PTPRG: variants seen among roughly 807,000 people sequenced by gnomAD.
PTPRG encodes receptor-type tyrosine-protein phosphatase gamma.
PTPRG carries 102 observed loss-of-function variants against 165.3 expected under a neutral mutation model. The ratio of observed to expected loss-of-function variants is 0.62; its 90% confidence interval spans 0.53 to 0.73. The LOEUF (loss-of-function observed/expected upper bound fraction) is 0.73, where lower values mean the gene tolerates loss of function less well. Among genes scored for constraint, PTPRG ranks in the 30% least tolerant of loss-of-function variants. The probability of loss-of-function intolerance (pLI) is 0.00; values close to 1 mark genes in which losing one functional copy is unlikely to be tolerated. For missense variants in PTPRG, 1,866 were observed against 1,861.4 expected, an observed-to-expected ratio of 1.00 and a Z score of -0.05; for synonymous variants, 675 against 669.5, an observed-to-expected ratio of 1.01 and a Z score of -0.13.
chr3:61,762,448 T>C (rs1212261767), intron 2 of PTPRG, among the ~76,000 whole-genome samples: 1 of 152,014 alleles, frequency 6.6e-6, no homozygotes, highest in Non-Finnish European at 1.5e-5. Flanking sequence ...CCGTCTCTAC[T>C]AAAAATACAA....
At chr3:62,223,850 T>C (rs1273959244) in intron 13 of PTPRG, among the ~76,000 whole-genome samples, 1 of 152,220 alleles carries the variant, frequency 6.6e-6, no homozygotes, top group Non-Finnish European at 1.5e-5. Flanking sequence ...ATTGTATAGC[T>C]GTACAGAGTT....
At chr3:61,615,446 G>A (rs903499814) in intron 1 of PTPRG, among the ~76,000 whole-genome samples, 10 of 152,234 alleles carry the variant, frequency 6.6e-5, no homozygotes, top group African/African-American at 2.4e-4. Flanking sequence ...CACCAGCGGA[G>A]TGGTGCTCTG....
intron 8 of PTPRG, among the ~76,000 whole-genome samples, chr3:62,186,020 G>A (rs756178485): frequency 2.0e-5 from 3 of 152,122 alleles, no homozygotes; most frequent in South Asian, 2.1e-4. Context: ...TTGAAAGAAG[G>A]GTTTCCATCA....
intron 6 of PTPRG, among the ~76,000 whole-genome samples, chr3:62,145,185 A>G (rs1704074989): frequency 6.6e-6 from 1 of 152,170 alleles, no homozygotes; most frequent in Non-Finnish European, 1.5e-5. Flanking sequence ...GCCTTTGACT[A>G]GTCGTACAAC....
intron 4 of PTPRG, among the ~76,000 whole-genome samples, chr3:62,019,496 C>A (rs1288808467): frequency 1.1e-4 from 15 of 138,662 alleles, no homozygotes; most frequent in Middle Eastern, 3.8e-3. Context: ...GTACTCCAGC[C>A]TGGGTGACAG....
At chr3:62,102,703 G>A (rs1213990879) in intron 5 of PTPRG, among the ~76,000 whole-genome samples, 1 of 151,892 alleles carries the variant, frequency 6.6e-6, no homozygotes, top group Admixed American at 6.6e-5. Context: ...ACTCTCTGCC[G>A]GTGACCCCTG....
At chr3:62,234,848 T>G (rs969895819) in intron 14 of PTPRG, among the ~76,000 whole-genome samples, 15 of 152,280 alleles carry the variant, frequency 9.9e-5, no homozygotes, top group Non-Finnish European at 1.5e-5. Context: ...AGGTTACTCT[T>G]TTTTAAAATC....
At chr3:61,779,527 G>C (rs2034484572) in intron 2 of PTPRG, among the ~76,000 whole-genome samples, 1 of 152,104 alleles carries the variant, frequency 6.6e-6, no homozygotes, top group South Asian at 2.1e-4. Flanking sequence ...TTTTTTTGCA[G>C]TCCTCCAGTC....
rs1195358750 is a variant in PTPRG, at chr3:62,254,915, A to C, written c.2468-209A>C. ...GTACCTTTTTTTAAAAACCATATTT[A>C]ACCTGGCTTGTAGGCATTAAAGTCA... is the stretch of plus-strand genomic sequence containing the variant. On this transcript the variant is annotated intron_variant, in intron 15 of 29. Coordinates refer to ENST00000474889, the MANE Select transcript of PTPRG (RefSeq NM_002841.4). This position sits in a 1 kb window ranked among gnomAD's most constrained non-coding sequence, Gnocchi z 4.6. Among the ~76,000 whole-genome samples, 2 of 152,170 alleles carry C rather than the reference A, an allele frequency of 1.3e-5. No individual in the cohort carries two copies. The highest frequency in any genetic ancestry group is 2.9e-5 in the Non-Finnish European group (2 of 68,022).
At chr3:61,910,152 T>C (rs1481991532) in intron 2 of PTPRG, among the ~76,000 whole-genome samples, 1 of 152,234 alleles carries the variant, frequency 6.6e-6, no homozygotes, top group East Asian at 1.9e-4. Context: ...TCACATGCCT[T>C]ACGTACCTCT....
rs1391851122 is a variant in PTPRG at position 62,294,109 on chromosome 3, T to G, written c.*802T>G. On this transcript the variant is annotated 3_prime_UTR_variant, in exon 30 of 30. Transcript: ENST00000474889. Reference sequence around the variant, plus strand: ...AGGGCTATCTTTAACAATAGCAAGATAGCAATATTATATACAACTCAGTTA... The same window carrying G: ...AGGGCTATCTTTAACAATAGCAAGAGAGCAATATTATATACAACTCAGTTA... The G allele has an allele frequency of 6.6e-6, 1 of 152,268 alleles. No homozygotes were observed. The highest frequency in any genetic ancestry group is 6.6e-5 in the Admixed American group (1 of 15,244). 9.4% of individuals were successfully genotyped at this position (152,268 alleles called of 1,614,324 possible).
At chr3:62,097,951 T>G (rs564132588) in intron 5 of PTPRG, among the ~76,000 whole-genome samples, 38 of 152,352 alleles carry the variant, frequency 2.5e-4, no homozygotes, top group African/African-American at 7.9e-4. Flanking sequence ...GGCAAGTATG[T>G]TAGACTAATA....
chr3:61,891,182 G>A (rs558961672), intron 2 of PTPRG, among the ~76,000 whole-genome samples: 2 of 152,106 alleles, frequency 1.3e-5, no homozygotes, highest in Admixed American at 1.3e-4. Context: ...GCCAGGCGTT[G>A]TGGCATGCGC....
At chr3:62,026,703 G>A (rs1340337185) in intron 4 of PTPRG, among the ~76,000 whole-genome samples, 3 of 152,044 alleles carry the variant, frequency 2.0e-5, no homozygotes, top group Non-Finnish European at 2.9e-5. Context: ...TGGCTAACAC[G>A]GTGAAACCCC....
At chr3:62,124,363 A>G (rs909643987) in intron 5 of PTPRG, 8 of 1,612,746 alleles carry the variant, frequency 5.0e-6, no homozygotes, top group Admixed American at 1.7e-5. Context: ...CAATAGTGGG[A>G]TGCAAGTCCA....
chr3:61,962,333 T>C (rs2040171439), intron 2 of PTPRG, among the ~76,000 whole-genome samples: 2 of 152,188 alleles, frequency 1.3e-5, no homozygotes, highest in African/African-American at 2.4e-5. Flanking sequence ...GAAATGGTGG[T>C]AGTCAGGTAG....
intron 2 of PTPRG, among the ~76,000 whole-genome samples, chr3:61,776,236 A>G (rs751037787): frequency 6.8e-4 from 104 of 152,162 alleles, no homozygotes; most frequent in Middle Eastern, 6.8e-3. Context: ...AAGGGAATGG[A>G]ACTGCTGGCC....
intron 8 of PTPRG, among the ~76,000 whole-genome samples, chr3:62,183,498 A>C (rs1417446694): frequency 6.6e-6 from 1 of 150,658 alleles, no homozygotes; most frequent in Non-Finnish European, 1.5e-5. Context: ...CAGGAGGCAG[A>C]GGTTGCAGTG....
At chr3:61,978,342 A>G (rs554217653) in intron 2 of PTPRG, among the ~76,000 whole-genome samples, 35 of 151,926 alleles carry the variant, frequency 2.3e-4, no homozygotes, top group African/African-American at 8.0e-4. Context: ...CTTCTAGTTA[A>G]TATGTGGAAA....
Sources: allele counts gnomAD v4.1 joint callset (sites outside exome capture counted in the v4.1 genomes callset), GRCh38; gene constraint gnomAD v4.1.1; non-coding constraint Gnocchi (gnomAD v3.1); transcripts MANE v1.5; gene names NCBI Gene and HGNC (gene_info 2026-07-23, HGNC 2026-07-21).